The following CADM2 variants were observed in gnomAD, a reference collection of about 807,000 sequenced individuals.
CADM2 encodes the protein immunoglobulin superfamily member 4D.
Under a neutral mutation model 49.8 loss-of-function variants are expected in CADM2, and 12 were observed. The observed-to-expected ratio is 0.24, with a 90% CI of 0.15 to 0.39. The LOEUF (loss-of-function observed/expected upper bound fraction) is 0.39. Ranked by LOEUF, CADM2 falls within the 10% of genes least tolerant of loss-of-function variation. The probability of loss-of-function intolerance (pLI) is 1.00; values close to 1 mark genes in which losing one functional copy is unlikely to be tolerated. For synonymous variants in CADM2, 214 were observed against 175.4 expected (o/e 1.22, Z -1.74); for missense variants, 378 against 492.3 (o/e 0.77, Z 2.20).
rs200071943 is a variant in CADM2, at chr3:85,565,225, AAG to A, written c.62-161295_62-161294del. On this transcript the variant is annotated intron_variant, in intron 1 of 9. Transcript: ENST00000383699. ...TGTATCTGTCAATCTGTTAGTCGAG[AAG>A]AAAAAAAATACTTTGAAATATAATT... 9.5e-3 allele frequency among the ~76,000 whole-genome samples: 1,352 copies of A among 142,504 alleles called. 19 individuals carry two copies. The highest frequency in any genetic ancestry group is 0.029 in the African/African-American group (1,181 of 41,218). 93.5% of individuals were successfully genotyped at this position (142,504 alleles called of 152,430 possible). A position where few individuals can be genotyped will look rare whatever the true frequency, so the allele number is the denominator to read the frequency against.
At chr3:85,248,707 A>G (rs942024151) in intron 1 of CADM2, among the ~76,000 whole-genome samples, 1 of 152,238 alleles carries the variant, frequency 6.6e-6, no homozygotes, top group African/African-American at 2.4e-5. Flanking sequence ...GGTGATAGAT[A>G]GGTGAAAAAA....
chr3:85,637,416 C>G (rs1365531654), intron 1 of CADM2, among the ~76,000 whole-genome samples: 1 of 149,544 alleles, frequency 6.7e-6, no homozygotes, highest in African/African-American at 2.5e-5. Flanking sequence ...TCCTGGCTAA[C>G]AAGGTGAAAC....
At chr3:85,300,821 G>A (rs558588803) in intron 1 of CADM2, among the ~76,000 whole-genome samples, 91 of 152,190 alleles carry the variant, frequency 6.0e-4, no homozygotes, top group African/African-American at 2.0e-3. Context: ...CAAAGTGGGA[G>A]GGAGACGTGC....
At chr3:85,983,279 G>A (rs1031731965) in intron 8 of CADM2, among the ~76,000 whole-genome samples, 10 of 151,634 alleles carry the variant, frequency 6.6e-5, no homozygotes, top group Non-Finnish European at 1.2e-4. Flanking sequence ...CAACCACATG[G>A]AATAAAAACA....
chr3:85,504,946 G>T (rs12495698), intron 1 of CADM2, among the ~76,000 whole-genome samples: 1 of 152,018 alleles, frequency 6.6e-6, no homozygotes, highest in Non-Finnish European at 1.5e-5. Context: ...GCCCGGGGCC[G>T]GCAGGGCCGG....
At chr3:85,453,240 ATG>A (rs1466552021) in intron 1 of CADM2, among the ~76,000 whole-genome samples, 2 of 152,206 alleles carry the variant, frequency 1.3e-5, no homozygotes, top group African/African-American at 4.8e-5. Flanking sequence ...GTAAGTATAT[ATG>A]TAGTGAAAAA....
intron 1 of CADM2, among the ~76,000 whole-genome samples, chr3:84,969,435 C>G (rs745345795): frequency 4.0e-5 from 6 of 151,090 alleles, no homozygotes; most frequent in Non-Finnish European, 8.9e-5. Flanking sequence ...TTGATTTTGT[C>G]TATTCTGTGA....
intron 8 of CADM2, among the ~76,000 whole-genome samples, chr3:85,980,212 C>A (rs1330096476): frequency 6.6e-6 from 1 of 151,326 alleles, no homozygotes; most frequent in Non-Finnish European, 1.5e-5. Flanking sequence ...AACAATTTAA[C>A]TTGAAATTAA....
At chr3:85,237,992 T>C (rs1321028379) in intron 1 of CADM2, among the ~76,000 whole-genome samples, 4 of 151,866 alleles carry the variant, frequency 2.6e-5, no homozygotes, top group Non-Finnish European at 2.9e-5. Context: ...TAGTTTTTAA[T>C]TAAAATATAG....
intron 1 of CADM2, among the ~76,000 whole-genome samples, chr3:85,691,913 G>C (rs1256753277): frequency 6.6e-6 from 1 of 152,100 alleles, no homozygotes; most frequent in African/African-American, 2.4e-5. Context: ...CTCATAGGTG[G>C]GAATTGAACA....
chr3:85,624,684 A>G (rs1391365635), intron 1 of CADM2, among the ~76,000 whole-genome samples: 1 of 152,100 alleles, frequency 6.6e-6, no homozygotes, highest in African/African-American at 2.4e-5. Context: ...CTTTACATTT[A>G]TTTTAGGAAT....
chr3:85,606,849 T>C (rs1338851777), intron 1 of CADM2, among the ~76,000 whole-genome samples: 1 of 152,066 alleles, frequency 6.6e-6, no homozygotes, highest in Non-Finnish European at 1.5e-5. Context: ...GCTACAAAGA[T>C]TGGATCTGCA....
intron 1 of CADM2, among the ~76,000 whole-genome samples, chr3:85,681,863 C>T (rs1000622477): frequency 2.0e-5 from 3 of 152,038 alleles, no homozygotes; most frequent in Non-Finnish European, 4.4e-5. Context: ...ATTGCAAAAA[C>T]GTATCAACTT....
At chr3:85,919,901 T>G (rs552575150) in intron 6 of CADM2, among the ~76,000 whole-genome samples, 1 of 151,936 alleles carries the variant, frequency 6.6e-6, no homozygotes, top group East Asian at 1.9e-4. Context: ...GTTTAAAGTT[T>G]GGTAATTCAG....
chr3:85,095,247 G>GC (rs1408273159), intron 1 of CADM2, among the ~76,000 whole-genome samples: 1 of 152,046 alleles, frequency 6.6e-6, no homozygotes, highest in Non-Finnish European at 1.5e-5. Flanking sequence ...TTTTGCCCCC[G>GC]CAGTCATTAG....
At chr3:85,581,561 G>T (rs932390176) in intron 1 of CADM2, among the ~76,000 whole-genome samples, 5 of 151,646 alleles carry the variant, frequency 3.3e-5, no homozygotes, top group Non-Finnish European at 4.4e-5. Flanking sequence ...TTTCTTTTCT[G>T]TATTTGCAGC....
chr3:85,514,400 T>C (rs1015304589), intron 1 of CADM2, among the ~76,000 whole-genome samples: 6 of 152,080 alleles, frequency 3.9e-5, no homozygotes, highest in Admixed American at 2.0e-4. Flanking sequence ...AGGATAAATA[T>C]AAGAGTGATC....
chr3:85,048,333 A>G lies in CADM2; in HGVS notation c.61+88665A>G, dbSNP rs141872895. Among the ~76,000 whole-genome samples, 692 of 152,336 alleles carry G rather than the reference A, an allele frequency of 4.5e-3. 3 individuals are homozygous for G. The highest frequency in any genetic ancestry group is 0.016 in the African/African-American group (654 of 41,584). ...GATGTGTTCAAATTTGAGAGACAGCATAAAGTGACTAAAACTATTCTTATC... is the reference window on the plus strand; with the variant it reads ...GATGTGTTCAAATTTGAGAGACAGCGTAAAGTGACTAAAACTATTCTTATC... On this transcript the variant is annotated intron_variant, in intron 1 of 9. Coordinates refer to ENST00000383699, the MANE Select transcript of CADM2 (RefSeq NM_001167675.2).
At chr3:85,147,297 A>C (rs1246128221) in intron 1 of CADM2, among the ~76,000 whole-genome samples, 4 of 149,838 alleles carry the variant, frequency 2.7e-5, no homozygotes, top group African/African-American at 4.9e-5. Context: ...AAAAAAAAAA[A>C]AAAAAAAAGA....
Sources: gnomAD v4.1 joint callset for allele counts (sites outside exome capture counted in the v4.1 genomes callset) on GRCh38, gnomAD v4.1.1 for gene constraint, MANE v1.5 for transcripts, NCBI Gene and HGNC (gene_info 2026-07-23, HGNC 2026-07-21) for gene names.